The following RLN2 variants were observed in gnomAD, a reference collection of about 807,000 sequenced individuals.
RLN2 encodes prorelaxin H2.
RLN2 carries 10 observed loss-of-function variants against 7.3 expected under a neutral mutation model. That is an observed-to-expected ratio of 1.36 (90% CI 0.84 to 2.31). The LOEUF is 2.31. Among genes scored for constraint, RLN2 ranks in the 30% most tolerant of loss-of-function variants. The pLI is 0.00. For missense variants in RLN2, 298 were observed against 217.6 expected, an observed-to-expected ratio of 1.37 and a Z score of -2.32; for synonymous variants, 103 against 82.3, an observed-to-expected ratio of 1.25 and a Z score of -1.36.
chr9:5,326,609 G>T, the RLN2 span, among the ~76,000 whole-genome samples: 5 of 152,032 alleles, frequency 3.3e-5, no homozygotes, highest in South Asian at 2.1e-4. Context: ...TGGGGACAAG[G>T]GGGGAGGGCA....
chr9:5,313,071 G>A, the RLN2 span, among the ~76,000 whole-genome samples: 1 of 151,922 alleles, frequency 6.6e-6, no homozygotes, highest in African/African-American at 2.4e-5. Flanking sequence ...GAATAGAATG[G>A]TCTGTATATG....
the RLN2 span, among the ~76,000 whole-genome samples, chr9:5,313,642 G>C: frequency 1.0e-3 from 159 of 151,934 alleles, 2 homozygotes; most frequent in Admixed American, 3.0e-3. Flanking sequence ...GATCAAATCA[G>C]GTTCATTAAT....
At chr9:5,305,429 GAAA>G (rs1170467330), upstream of RLN2, among the ~76,000 whole-genome samples, 2 of 120,726 alleles carry the variant, frequency 1.7e-5, no homozygotes, top group South Asian at 2.9e-4. Context: ...AGAGAGAGAA[GAAA>G]AAAAAGCAGT....
At chr9:5,337,386 T>A in the RLN2 span, among the ~76,000 whole-genome samples, 3 of 152,078 alleles carry the variant, frequency 2.0e-5, no homozygotes, top group Non-Finnish European at 2.9e-5. Flanking sequence ...TCATAATCCA[T>A]AACACTTTTA....
chr9:5,329,079 G>A, the RLN2 span, among the ~76,000 whole-genome samples: 1 of 151,598 alleles, frequency 6.6e-6, no homozygotes, highest in Admixed American at 6.6e-5. Flanking sequence ...CGAGGCGGGT[G>A]GATCATGAGG....
chr9:5,314,606 G>A, the RLN2 span, among the ~76,000 whole-genome samples: 13 of 151,982 alleles, frequency 8.6e-5, no homozygotes, highest in Non-Finnish European at 1.8e-4. Flanking sequence ...CACCCTACAG[G>A]TTGAATAATT....
upstream of RLN2, among the ~76,000 whole-genome samples, chr9:5,309,253 A>C (rs928281083): frequency 2.0e-5 from 3 of 151,916 alleles, no homozygotes; most frequent in African/African-American, 7.3e-5. Context: ...TCTCTTTGCT[A>C]CCTCTTCCCA....
chr9:5,322,513 A>C, the RLN2 span, among the ~76,000 whole-genome samples: 40,763 of 151,980 alleles, frequency 0.27, 6,002 homozygotes, highest in East Asian at 0.4. Flanking sequence ...CAGAGAAGCA[A>C]GCTGTGATCT....
chr9:5,325,034 A>C, the RLN2 span, among the ~76,000 whole-genome samples: 9 of 152,070 alleles, frequency 5.9e-5, no homozygotes, highest in Non-Finnish European at 1.3e-4. Context: ...AAACCCCAGA[A>C]ACCAAGTTAG....
chr9:5,333,163 A>C, the RLN2 span, among the ~76,000 whole-genome samples: 2 of 152,042 alleles, frequency 1.3e-5, no homozygotes, highest in Non-Finnish European at 2.9e-5. Flanking sequence ...ATTAATGGTC[A>C]CAGATAAATC....
chr9:5,328,174 G>A, the RLN2 span, among the ~76,000 whole-genome samples: 1 of 151,968 alleles, frequency 6.6e-6, no homozygotes, highest in Admixed American at 6.6e-5. Context: ...AAAAAAGTTA[G>A]ACGAATGGCT....
the RLN2 span, among the ~76,000 whole-genome samples, chr9:5,324,802 A>T: frequency 6.6e-6 from 1 of 152,236 alleles, no homozygotes; most frequent in South Asian, 2.1e-4. Context: ...GCATGGAATA[A>T]GTAAACCAGT....
At chr9:5,313,267 T>C in the RLN2 span, among the ~76,000 whole-genome samples, 1 of 152,092 alleles carries the variant, frequency 6.6e-6, no homozygotes, top group African/African-American at 2.4e-5. Flanking sequence ...GTTGAATGCA[T>C]ATGTATTTAC....
At chr9:5,316,028 G>T in the RLN2 span, among the ~76,000 whole-genome samples, 2 of 152,026 alleles carry the variant, frequency 1.3e-5, no homozygotes, top group Non-Finnish European at 1.5e-5. Context: ...ACTGGTAAAG[G>T]TAAATACATA....
the RLN2 span, chr9:5,311,804 ATTT>A: frequency 5.5e-6 from 3 of 549,544 alleles, no homozygotes; most frequent in Non-Finnish European, 9.6e-6. Flanking sequence ...AAAATGCAGA[ATTT>A]TTTTTTTTAG....
the RLN2 span, among the ~76,000 whole-genome samples, chr9:5,330,315 C>T: frequency 8.6e-5 from 13 of 151,922 alleles, no homozygotes; most frequent in Admixed American, 2.0e-4. Context: ...CAGGAGAGAT[C>T]TAAAATTGAC....
the RLN2 span, among the ~76,000 whole-genome samples, chr9:5,335,844 C>T: frequency 6.6e-6 from 1 of 151,938 alleles, no homozygotes; most frequent in Non-Finnish European, 1.5e-5. Flanking sequence ...CTTCATTATC[C>T]CCTCAGTGCT....
In RLN2 at chr9:5,300,283, G is replaced by A. The variant is rs1271923552; in HGVS notation, c.373C>T (p.Leu125Phe). Reference protein sequence around the residue: ...HVPVLKDSSLLFEEFKKLIRN... With the variant: ...HVPVLKDSSLFFEEFKKLIRN... The stretch of plus-strand genomic sequence containing the variant: ...ATAAGTTTCTTAAATTCTTCAAAGA[G>A]AAGACTGGAATCTTTTAATACAGGT... Residue 125 changes from leucine to phenylalanine, a missense_variant, in exon 2 of 2, where the codon CTC becomes TTC. Physicochemically the swap from Leu to Phe is conservative, Grantham distance 22 (BLOSUM62 0). Transcript: ENST00000381627. 2 of 1,613,990 alleles carry A rather than the reference G, an allele frequency of 1.2e-6. No individual in the cohort carries two copies. The highest frequency in any genetic ancestry group is 3.3e-5 in the Admixed American group (2 of 60,000).
intron 1 of RLN2, among the ~76,000 whole-genome samples, chr9:5,301,583 C>A (rs949280301): frequency 6.6e-6 from 1 of 152,126 alleles, no homozygotes; most frequent in Admixed American, 6.5e-5. Flanking sequence ...TCTTCCTGGA[C>A]AGGAAAACTC....
Sources: gnomAD v4.1 joint callset for allele counts (sites outside exome capture counted in the v4.1 genomes callset) on GRCh38, gnomAD v4.1.1 for gene constraint, MANE v1.5 for transcripts, NCBI Gene and HGNC (gene_info 2026-07-23, HGNC 2026-07-21) for gene names.